Variants in CA10 observed in about 807,000 individuals in gnomAD.
The protein encoded by CA10 is carbonic anhydrase-related protein 10.
Under a neutral mutation model 44.2 loss-of-function variants are expected in CA10, and 14 were observed. The observed-to-expected ratio is 0.32, with a 90% CI of 0.21 to 0.50. The LOEUF is 0.50. Ranked by LOEUF, CA10 falls within the 20% of genes least tolerant of loss-of-function variation. CA10 has a pLI of 0.99. For synonymous variants in CA10, 159 were observed against 141.6 expected, an observed-to-expected ratio of 1.12 and a Z score of -0.87; for missense variants, 350 against 409.7, an observed-to-expected ratio of 0.85 and a Z score of 1.26.
intron 3 of CA10, among the ~76,000 whole-genome samples, chr17:51,834,989 C>G (rs62063184): frequency 0.089 from 13,595 of 152,106 alleles, 889 homozygotes; most frequent in African/African-American, 0.17. Context: ...TGAGGTTGTG[C>G]TCTGGGAATG....
intron 4 of CA10, among the ~76,000 whole-genome samples, chr17:51,682,589 C>A (rs766318565): frequency 1.8e-4 from 27 of 152,244 alleles, no homozygotes; most frequent in South Asian, 8.3e-4. Context: ...GAAGAGAATT[C>A]AAAAAACCCA....
chr17:51,875,141 T>C (rs1202555632), intron 3 of CA10, among the ~76,000 whole-genome samples: 1 of 152,032 alleles, frequency 6.6e-6, no homozygotes, highest in East Asian at 1.9e-4. Context: ...CCCCAGCTAA[T>C]TTCTAAATGT....
At chr17:51,979,651 A>C (rs183001417) in intron 2 of CA10, among the ~76,000 whole-genome samples, 8 of 152,280 alleles carry the variant, frequency 5.3e-5, no homozygotes, top group African/African-American at 1.9e-4. Flanking sequence ...TAAATCATCT[A>C]TGTCTAGAAT....
At chr17:51,989,086 A>G (rs1253820600) in intron 2 of CA10, among the ~76,000 whole-genome samples, 1 of 151,760 alleles carries the variant, frequency 6.6e-6, no homozygotes, top group Non-Finnish European at 1.5e-5. Flanking sequence ...CATTGGCTTC[A>G]CCCAGAAAAA....
chr17:52,104,295 T>C (rs1988609795), intron 1 of CA10, among the ~76,000 whole-genome samples: 1 of 151,882 alleles, frequency 6.6e-6, no homozygotes. Flanking sequence ...CCTCCCGGGT[T>C]CAAGCCAACC....
intron 3 of CA10, among the ~76,000 whole-genome samples, chr17:51,786,955 C>T (rs569515856): frequency 6.6e-6 from 1 of 152,134 alleles, no homozygotes; most frequent in South Asian, 2.1e-4. Context: ...GTCCTTCATT[C>T]TGTTGACATG....
Position 52,031,807 on chromosome 17 carries a change from C to T in CA10, c.136+40512G>A, listed in dbSNP as rs543286504. ...TTCCCTTTGCAATAAGTTGCTCAATCGATAAATCAAATGATGAAAAAAAGA... is the reference window on the plus strand; with the variant it reads ...TTCCCTTTGCAATAAGTTGCTCAATTGATAAATCAAATGATGAAAAAAAGA... On this transcript the variant is annotated intron_variant, in intron 2 of 8. Transcript: ENST00000451037. Among the ~76,000 whole-genome samples the T allele has an allele frequency of 4.0e-5, 6 of 151,874 alleles. No individual in the cohort carries two copies. In the East Asian group the frequency reaches 9.7e-4, roughly 24 times the overall value.
intron 3 of CA10, among the ~76,000 whole-genome samples, chr17:51,801,061 C>T (rs1258480206): frequency 6.6e-6 from 1 of 152,128 alleles, no homozygotes; most frequent in Non-Finnish European, 1.5e-5. Flanking sequence ...CCTGCCTTTC[C>T]CTCAGGGACT....
intron 2 of CA10, among the ~76,000 whole-genome samples, chr17:52,052,225 C>A (rs1169204078): frequency 6.6e-6 from 1 of 151,302 alleles, no homozygotes; most frequent in Admixed American, 6.6e-5. Flanking sequence ...AACAACAACC[C>A]CCCATGACAT....
intron 2 of CA10, among the ~76,000 whole-genome samples, chr17:52,043,651 C>T (rs539099215): frequency 6.6e-6 from 1 of 152,160 alleles, no homozygotes; most frequent in East Asian, 2.0e-4. Flanking sequence ...AGAGAAAGAG[C>T]TTTCAGCTTT....
intron 4 of CA10, among the ~76,000 whole-genome samples, chr17:51,656,480 G>T (rs1227108870): frequency 1.3e-5 from 2 of 152,200 alleles, no homozygotes; most frequent in African/African-American, 4.8e-5. Context: ...GATATCAGGA[G>T]CTTTGGTTTC....
chr17:51,941,177 C>T (rs1430918366), intron 2 of CA10, among the ~76,000 whole-genome samples: 9 of 152,112 alleles, frequency 5.9e-5, no homozygotes, highest in Admixed American at 5.9e-4. Flanking sequence ...AATTCCCACT[C>T]TTATTCTGCT....
At chr17:51,861,946 A>C (rs1979329986) in intron 3 of CA10, among the ~76,000 whole-genome samples, 1 of 152,230 alleles carries the variant, frequency 6.6e-6, no homozygotes, top group Non-Finnish European at 1.5e-5. Context: ...TAAGGCTAGA[A>C]AGGGTTCAAG....
chr17:52,017,798 T>G (rs182446916), intron 2 of CA10, among the ~76,000 whole-genome samples: 1 of 152,036 alleles, frequency 6.6e-6, no homozygotes, highest in Non-Finnish European at 1.5e-5. Context: ...CATGCACTCG[T>G]AGCCAAGACA....
chr17:51,694,908 T>C lies in CA10; in HGVS notation c.466-41172A>G, dbSNP rs759154140. 1.1e-4 allele frequency among the ~76,000 whole-genome samples: 16 copies of C among 152,306 alleles called. No homozygotes were observed. The East Asian group carries it at 1.3e-3, about 13-fold the overall frequency. Reference sequence around the variant, plus strand: ...GGCTTTTCCAGCACCATTTATTGAATAGGAAGTCCTTTTCTCATTGCTTAT... The same window carrying C: ...GGCTTTTCCAGCACCATTTATTGAACAGGAAGTCCTTTTCTCATTGCTTAT... On this transcript the variant is annotated intron_variant, in intron 4 of 8. Coordinates refer to ENST00000451037, the MANE Select transcript of CA10 (RefSeq NM_020178.5).
At chr17:51,973,965 A>T (rs2144074565) in intron 2 of CA10, among the ~76,000 whole-genome samples, 1 of 152,236 alleles carries the variant, frequency 6.6e-6, no homozygotes, top group East Asian at 1.9e-4. Flanking sequence ...AATATGTTCA[A>T]TTTTTCTCTT....
intron 3 of CA10, among the ~76,000 whole-genome samples, chr17:51,774,497 C>T (rs112090391): frequency 7.9e-5 from 12 of 151,402 alleles, no homozygotes; most frequent in East Asian, 5.8e-4. Context: ...TGGAGTGCAG[C>T]GGTGCGATCT....
rs147908216 is a variant in CA10 at position 52,120,329 on chromosome 17, G to A, written c.61+37397C>T. Among the ~76,000 whole-genome samples, 24 of 152,152 alleles carry A rather than the reference G, an allele frequency of 1.6e-4. No homozygotes were observed. The East Asian group carries it at 4.3e-3, about 27-fold the overall frequency. On this transcript the variant is annotated intron_variant, in intron 1 of 8. Coordinates refer to ENST00000451037, the MANE Select transcript of CA10 (RefSeq NM_020178.5). ...CCCTTTTACCAGGGACCCTTATATA[G>A]GCCTATGAGGGAGATCTGATTGCTG...
chr17:52,072,486 A>G, intron 1 of CA10, 93 bp from the exon 2 acceptor site: 5 of 882,498 alleles, frequency 5.7e-6, no homozygotes, highest in African/African-American at 1.7e-5. Flanking sequence ...TCCATAAAAT[A>G]ACCCTTTTCT....
Sources: allele counts gnomAD v4.1 joint callset (sites outside exome capture counted in the v4.1 genomes callset), GRCh38; gene constraint gnomAD v4.1.1; transcripts MANE v1.5; gene names NCBI Gene and HGNC (gene_info 2026-07-23, HGNC 2026-07-21).